CLASP1: variants seen among roughly 807,000 people sequenced by gnomAD.
CLASP1 encodes the protein cytoplasmic linker associated protein 1.
A neutral mutation model predicts 192.3 loss-of-function variants in CLASP1; 38 were observed. That is an observed-to-expected ratio of 0.20 (90% CI 0.15 to 0.26). The LOEUF (loss-of-function observed/expected upper bound fraction) is 0.26, where lower values mean the gene tolerates loss of function less well. Ranked by LOEUF, CLASP1 falls within the 10% of genes least tolerant of loss-of-function variation. CLASP1 has a pLI of 1.00. For synonymous variants in CLASP1, 691 were observed against 712.8 expected (o/e 0.97, Z 0.49); for missense variants, 1,433 against 1,932.5 (o/e 0.74, Z 4.85).
intron 1 of CLASP1, among the ~76,000 whole-genome samples, chr2:121,616,146 C>A (rs937919290): frequency 1.4e-4 from 22 of 152,284 alleles, no homozygotes; most frequent in Admixed American, 3.9e-4. Flanking sequence ...TCAATAACCA[C>A]ATTAAAAAAT....
chr2:121,360,601 G>T (rs72828986), intron 37 of CLASP1, among the ~76,000 whole-genome samples: 1 of 103,482 alleles, frequency 9.7e-6, no homozygotes. Flanking sequence ...CAAGGGAAAA[G>T]AAAAAAAAAA....
intron 2 of CLASP1, among the ~76,000 whole-genome samples, chr2:121,603,490 TAGTAC>T (rs1313139529): frequency 3.9e-5 from 6 of 152,232 alleles, no homozygotes; most frequent in African/African-American, 9.6e-5. Context: ...GAACATAAAC[TAGTAC>T]AGCTGCTATG....
intron 37 of CLASP1, among the ~76,000 whole-genome samples, chr2:121,351,528 C>G (rs1422860364): frequency 6.6e-6 from 1 of 152,218 alleles, no homozygotes; most frequent in Non-Finnish European, 1.5e-5. Flanking sequence ...TAAAGAAGCC[C>G]TACCTCCCTC....
At chr2:121,480,540 G>T (rs973946872) in intron 8 of CLASP1, among the ~76,000 whole-genome samples, 2 of 152,156 alleles carry the variant, frequency 1.3e-5, no homozygotes, top group African/African-American at 4.8e-5. Flanking sequence ...CCTGTCCTGG[G>T]GCAGAGCTGT....
chr2:121,587,822 C>T (rs1375572630), intron 2 of CLASP1, among the ~76,000 whole-genome samples: 5 of 149,274 alleles, frequency 3.3e-5, no homozygotes, highest in Non-Finnish European at 7.4e-5. Context: ...CAGAATGAGA[C>T]TCCATCTCAA....
chr2:121,511,746 G>A (rs1418477876), intron 7 of CLASP1, among the ~76,000 whole-genome samples: 2 of 152,164 alleles, frequency 1.3e-5, no homozygotes, highest in African/African-American at 2.4e-5. Flanking sequence ...AGTTGACAGC[G>A]TTTGCCTCTG....
chr2:121,445,340 C>T, intron 19 of CLASP1: 5 of 543,276 alleles, frequency 9.2e-6, no homozygotes, highest in South Asian at 8.4e-5. Flanking sequence ...AGCTAAAATA[C>T]TAAAGAGTTA....
In CLASP1 at chr2:121,494,493, G is replaced by A. The variant is rs150376606; in HGVS notation, c.712+8674C>T. Reference sequence around the variant, plus strand: ...GGGAAGGGAGTGGGGATGGTTAAAGGGTACAAAAATATAGTTAGACAGAAT... The same window carrying A: ...GGGAAGGGAGTGGGGATGGTTAAAGAGTACAAAAATATAGTTAGACAGAAT... On this transcript the variant is annotated intron_variant, in intron 8 of 39. Transcript: ENST00000263710. Among the ~76,000 whole-genome samples, 214 of 151,812 alleles carry A rather than the reference G, an allele frequency of 1.4e-3. 2 individuals are homozygous for A. The highest frequency in any genetic ancestry group is 4.6e-3 in the African/African-American group (191 of 41,388).
Position 121,597,904 on chromosome 2 carries a change from G to A in CLASP1, c.195+7797C>T, listed in dbSNP as rs138653874. ...TTCCCTCCAGTTGCATAGCCCAGGC[G>A]GTCTCTCCAAGACAGGTCATTCTTA... is the stretch of plus-strand genomic sequence containing the variant. On this transcript the variant is annotated intron_variant, in intron 2 of 39. Transcript: ENST00000263710. Among the ~76,000 whole-genome samples, 700 of 152,218 alleles carry A rather than the reference G, an allele frequency of 4.6e-3. 2 individuals carry two copies. Among genetic ancestry groups the A allele is most frequent in the Non-Finnish European group, 7.7e-3 (524 of 68,016 alleles).
intron 8 of CLASP1, among the ~76,000 whole-genome samples, chr2:121,478,789 C>T (rs1575273446): frequency 1.0e-5 from 1 of 98,682 alleles, no homozygotes; most frequent in Non-Finnish European, 2.1e-5. Flanking sequence ...ACACCCCACA[C>T]ACACCACACA....
At position 121,525,827 on chromosome 2, in the gene CLASP1, G is replaced by T. The variant is rs770584277; in HGVS notation, c.546+18C>A. On this transcript the variant is annotated intron_variant, in intron 6 of 39. Transcript: ENST00000263710. Reference sequence around the variant, plus strand: ...CTGTAAGCAATGACTTCTCCCGAGGGTTTTCCTTCTCACTCACCTGGCTGT... The same window carrying T: ...CTGTAAGCAATGACTTCTCCCGAGGTTTTTCCTTCTCACTCACCTGGCTGT... 1.3e-6 allele frequency: 2 copies of T among 1,591,786 alleles called. No homozygotes were observed. The highest frequency in any genetic ancestry group is 2.2e-5 in the South Asian group (2 of 89,898).
At chr2:121,637,868 AGAGT>A (rs1226096934) in intron 1 of CLASP1, among the ~76,000 whole-genome samples, 35 of 152,014 alleles carry the variant, frequency 2.3e-4, no homozygotes, top group Admixed American at 1.8e-3. Flanking sequence ...CCTGGGCGAC[AGAGT>A]GAGACTCCAT....
chr2:121,527,771 A>G (rs1243313909), intron 5 of CLASP1, 28 bp downstream of exon 5: 2 of 1,530,596 alleles, frequency 1.3e-6, no homozygotes, highest in Admixed American at 1.9e-5. Context: ...TCAGCCACGT[A>G]AAAATGTCAG....
chr2:121,527,226 G>A (rs1237574250), intron 5 of CLASP1, among the ~76,000 whole-genome samples: 1 of 152,086 alleles, frequency 6.6e-6, no homozygotes, highest in Non-Finnish European at 1.5e-5. Flanking sequence ...GCCAAAAACT[G>A]GAAATTACCC....
intron 26 of CLASP1, chr2:121,403,401 C>T (rs1559053538): frequency 2.2e-6 from 1 of 456,608 alleles, no homozygotes; most frequent in African/African-American, 2.0e-5. Context: ...ATTTCAAGGA[C>T]AATTCCTACG....
exon 40 of CLASP1, chr2:121,337,958 A>C (rs2149058821): frequency 6.6e-6 from 1 of 151,910 alleles, no homozygotes; most frequent in Non-Finnish European, 1.5e-5. Flanking sequence ...CCCCCCCAAA[A>C]AAACCCAAAA....
intron 8 of CLASP1, among the ~76,000 whole-genome samples, chr2:121,491,854 A>C (rs887062576): frequency 6.6e-6 from 1 of 152,228 alleles, no homozygotes; most frequent in Admixed American, 6.5e-5. Context: ...GCTTTTAAAA[A>C]TTAAGTCCAT....
chr2:121,398,891 G>A (rs1187973628), intron 28 of CLASP1, among the ~76,000 whole-genome samples: 2 of 152,170 alleles, frequency 1.3e-5, no homozygotes, highest in African/African-American at 2.4e-5. Flanking sequence ...GTGAGATGGC[G>A]ACAAAACATT....
Position 121,450,924 on chromosome 2 carries a change from T to C in CLASP1, c.1512A>G (p.Ile504Met), listed in dbSNP as rs766538890. 3.1e-6 allele frequency: 5 copies of C among 1,608,588 alleles called. No individual in the cohort carries two copies. In the East Asian group the frequency reaches 6.7e-5, roughly 22 times the overall value. ...CAATAAAAACTTACTTTCTGGCTTC[T>C]ATTCTTGCTTCGGAATCAGCATCAT... The change falls in exon 16 of 40, where the codon ATA becomes ATG. Residue 504 changes from isoleucine to methionine, a missense_variant. Coordinates refer to ENST00000263710, the Ensembl canonical transcript of CLASP1.
Sources: gnomAD v4.1 joint callset for allele counts (sites outside exome capture counted in the v4.1 genomes callset) on GRCh38, gnomAD v4.1.1 for gene constraint, MANE v1.5 for transcripts, NCBI Gene and HGNC (gene_info 2026-07-23, HGNC 2026-07-21) for gene names.